Variants in WWC2 observed in about 807,000 individuals in gnomAD.
WWC2 encodes the protein WW and C2 domain containing 2.
Under a neutral mutation model 138.5 loss-of-function variants are expected in WWC2, and 101 were observed. That is an observed-to-expected ratio of 0.73 (90% confidence interval 0.62 to 0.86). The LOEUF (loss-of-function observed/expected upper bound fraction) is 0.86, where lower values mean the gene tolerates loss of function less well. Among genes scored for constraint, WWC2 ranks in the 40% least tolerant of loss-of-function variants. The probability of loss-of-function intolerance (pLI) is 0.00; values close to 1 mark genes in which losing one functional copy is unlikely to be tolerated. For synonymous variants in WWC2, 558 were observed against 538.4 expected (o/e 1.04, Z -0.50); for missense variants, 1,420 against 1,419.4 (o/e 1.00, Z -0.01).
intron 1 of WWC2, among the ~76,000 whole-genome samples, chr4:183,164,602 T>C (rs1432430681): frequency 6.6e-6 from 1 of 151,948 alleles, no homozygotes; most frequent in East Asian, 1.9e-4. Flanking sequence ...AACCCTGTGA[T>C]ATGAATGGCT....
At chr4:183,250,098 ACCAAGG>A in intron 8 of WWC2, 105 bp downstream of exon 8, 1 of 1,005,038 alleles carries the variant, frequency 9.9e-7, no homozygotes, top group East Asian at 2.7e-5. Context: ...ATACATTCTT[ACCAAGG>A]CCACCCTTCG....
intron 16 of WWC2, 50 bp downstream of exon 16, chr4:183,271,291 G>A: frequency 6.9e-7 from 1 of 1,442,286 alleles, no homozygotes; most frequent in Non-Finnish European, 9.3e-7. Flanking sequence ...ATACATATAT[G>A]AAATACATAT....
chr4:183,161,823 A>G (rs963130709), intron 1 of WWC2, among the ~76,000 whole-genome samples: 1 of 152,200 alleles, frequency 6.6e-6, no homozygotes, highest in Non-Finnish European at 1.5e-5. Flanking sequence ...AGGTCCGCAC[A>G]ATGAAATCAC....
chr4:183,227,087 G>T (rs1349025727), intron 4 of WWC2, among the ~76,000 whole-genome samples: 3 of 151,466 alleles, frequency 2.0e-5, no homozygotes, highest in Non-Finnish European at 4.4e-5. Context: ...ATTAAATTCA[G>T]CCAGCCCAAC....
At chr4:183,137,185 A>G (rs1017747223) in intron 1 of WWC2, among the ~76,000 whole-genome samples, 1 of 152,126 alleles carries the variant, frequency 6.6e-6, no homozygotes, top group Non-Finnish European at 1.5e-5. Flanking sequence ...ACATTACATT[A>G]CATTTATTAA....
intron 4 of WWC2, among the ~76,000 whole-genome samples, chr4:183,219,607 A>G (rs1414739387): frequency 6.6e-6 from 1 of 152,236 alleles, no homozygotes; most frequent in African/African-American, 2.4e-5. Context: ...TTAAAAGCAA[A>G]ATATAAGACA....
intron 1 of WWC2, among the ~76,000 whole-genome samples, chr4:183,102,003 G>T (rs1261980667): frequency 6.6e-6 from 1 of 152,150 alleles, no homozygotes; most frequent in Non-Finnish European, 1.5e-5. Context: ...AGTAGGGGAG[G>T]CTAGGGCATT....
At chr4:183,200,314 T>C (rs371885856) in intron 2 of WWC2, among the ~76,000 whole-genome samples, 3 of 152,206 alleles carry the variant, frequency 2.0e-5, no homozygotes, top group African/African-American at 7.2e-5. Flanking sequence ...GGAAATATGA[T>C]TGGCTGAAAC....
At chr4:183,284,539 T>A (rs549373449) in intron 19 of WWC2, 149 bp downstream of exon 19, 1 of 921,620 alleles carries the variant, frequency 1.1e-6, no homozygotes, top group Non-Finnish European at 1.6e-6. Flanking sequence ...ATGTAGAATA[T>A]CACGTGCTTA....
Position 183,319,588 on chromosome 4 carries a change from G to A in WWC2, c.*3859G>A, listed in dbSNP as rs373938350. 312 of 1,613,620 alleles carry A rather than the reference G, an allele frequency of 1.9e-4. 1 individual carries two copies. In the African/African-American group the frequency reaches 3.3e-3, roughly 17 times the overall value. ...TTCAGGTTGGTGTTTCTCGTCTCCA[G>A]TTCTTGATGATGATCTTGTGTTTGT... On this transcript the variant is annotated 3_prime_UTR_variant, in exon 23 of 23. Transcript: ENST00000403733.
At chr4:183,109,351 CT>C (rs1385505687) in intron 1 of WWC2, among the ~76,000 whole-genome samples, 2 of 152,066 alleles carry the variant, frequency 1.3e-5, no homozygotes, top group African/African-American at 4.8e-5. Context: ...AAATATTAAC[CT>C]TTTATGATAA....
At chr4:183,245,688 T>G in intron 6 of WWC2, 143 bp downstream of exon 6, 2 of 950,780 alleles carry the variant, frequency 2.1e-6, no homozygotes, top group Non-Finnish European at 2.9e-6. Context: ...CTGTGGAGAT[T>G]GTTGCAGGCA....
chr4:183,154,488 A>C (rs1308567425), intron 1 of WWC2, among the ~76,000 whole-genome samples: 1 of 152,150 alleles, frequency 6.6e-6, no homozygotes, highest in African/African-American at 2.4e-5. Flanking sequence ...AATGAGGAGG[A>C]AAAGGTCAGG....
At chr4:183,275,925 G>A (rs111495055) in intron 16 of WWC2, among the ~76,000 whole-genome samples, 85 of 152,254 alleles carry the variant, frequency 5.6e-4, no homozygotes, top group African/African-American at 1.9e-3. Flanking sequence ...TTTGTTTACA[G>A]ATTCTATCTC....
At chr4:183,223,011 A>C (rs1157851477) in intron 4 of WWC2, among the ~76,000 whole-genome samples, 1 of 152,166 alleles carries the variant, frequency 6.6e-6, no homozygotes. Flanking sequence ...AATAAATGAC[A>C]CTGCAGTCAA....
At chr4:183,211,903 G>T (rs1053003710) in intron 4 of WWC2, among the ~76,000 whole-genome samples, 1 of 151,698 alleles carries the variant, frequency 6.6e-6, no homozygotes. Context: ...CTCACTGCAA[G>T]CTCCGCTTCC....
intron 1 of WWC2, among the ~76,000 whole-genome samples, chr4:183,173,367 G>GTT (rs1390977036): frequency 1.6e-4 from 24 of 151,846 alleles, no homozygotes; most frequent in African/African-American, 5.8e-4. Flanking sequence ...TTTTTCTTTT[G>GTT]ATAGTAACCT....
At position 183,312,381 on chromosome 4, in the gene WWC2, C is replaced by A. The variant is rs767190423; in HGVS notation, c.3425C>A (p.Ala1142Glu). 2 of 1,613,776 alleles carry A rather than the reference C, an allele frequency of 1.2e-6. No individual in the cohort carries two copies. The highest frequency in any genetic ancestry group is 1.7e-6 in the Non-Finnish European group (2 of 1,179,764). Reference protein sequence around the residue: ...SKEEQKQGLNAEKLMRQVSKD... With the variant: ...SKEEQKQGLNEEKLMRQVSKD... ...GAAGAGCAGAAGCAAGGTCTGAATG[C>A]AGAGAAGTTGATGAGGCAAGTCTCC... Residue 1142 changes from alanine (A) to glutamate (E), a missense_variant, in exon 22 of 23, where the codon GCA (alanine) becomes GAA (glutamate). By Grantham distance (107) the Ala-to-Glu change is moderately radical. Transcript: ENST00000403733.
intron 1 of WWC2, among the ~76,000 whole-genome samples, chr4:183,111,720 G>C (rs925504175): frequency 6.6e-6 from 1 of 150,978 alleles, no homozygotes; most frequent in East Asian, 1.9e-4. Context: ...TTGATACCGG[G>C]TCTCACTCTG....
Sources: allele counts gnomAD v4.1 joint callset (sites outside exome capture counted in the v4.1 genomes callset), GRCh38; gene constraint gnomAD v4.1.1; transcripts MANE v1.5; gene names NCBI Gene and HGNC (gene_info 2026-07-23, HGNC 2026-07-21).